SPATS2: variants seen among roughly 807,000 people sequenced by gnomAD.
The protein encoded by SPATS2 is spermatogenesis-associated serine-rich protein 2.
In SPATS2, 38 loss-of-function variants were observed where a neutral mutation model predicts 63.7. That is an observed-to-expected ratio of 0.60 (90% CI 0.46 to 0.78). SPATS2 has a LOEUF of 0.78. Ranked by LOEUF, SPATS2 falls within the 30% of genes least tolerant of loss-of-function variation. The pLI is 0.00. For synonymous variants in SPATS2, 207 were observed against 232.9 expected, an observed-to-expected ratio of 0.89 and a Z score of 1.01; for missense variants, 588 against 666.2, an observed-to-expected ratio of 0.88 and a Z score of 1.29.
At chr12:49,465,162 A>G (rs997259153) in intron 3 of SPATS2, among the ~76,000 whole-genome samples, 4 of 152,192 alleles carry the variant, frequency 2.6e-5, no homozygotes, top group African/African-American at 9.7e-5. Flanking sequence ...AATGATTGTC[A>G]ATTATGTACA....
intron 5 of SPATS2, 90 bp from the exon 6 acceptor site, chr12:49,490,586 AATTCTC>A: frequency 8.6e-7 from 1 of 1,162,990 alleles, no homozygotes; most frequent in Non-Finnish European, 1.3e-6. Context: ...GAGCTTTGTA[AATTCTC>A]CAGCAATTAC....
chr12:49,488,638 A>G (rs1237188628), intron 4 of SPATS2, among the ~76,000 whole-genome samples: 1 of 152,176 alleles, frequency 6.6e-6, no homozygotes, highest in East Asian at 1.9e-4. Flanking sequence ...AGCCTGGGTG[A>G]CAGAGCGAGA....
At position 49,388,372 on chromosome 12, in the gene SPATS2, A is replaced by T. The variant is rs552009229; in HGVS notation, c.-244+17082A>T. On this transcript the variant is annotated intron_variant, in intron 2 of 13. Transcript: ENST00000552918. ...TTTTTTGAACCCTACTTTTTTTTTT[A>T]AAAAATAATTTTTTTTCCCCTGACA... is the stretch of plus-strand genomic sequence containing the variant. Among the ~76,000 whole-genome samples, 499 of 149,980 alleles carry T rather than the reference A, an allele frequency of 3.3e-3. 1 individual carries two copies. The highest frequency in any genetic ancestry group is 6.4e-3 in the East Asian group (33 of 5,134).
At chr12:49,506,200 A>G (rs535486454) in intron 9 of SPATS2, among the ~76,000 whole-genome samples, 1 of 152,360 alleles carries the variant, frequency 6.6e-6, no homozygotes, top group African/African-American at 2.4e-5. Flanking sequence ...TAAATGCATT[A>G]TCAACTTAAG....
intron 2 of SPATS2, among the ~76,000 whole-genome samples, chr12:49,458,087 T>C (rs1181357035): frequency 6.6e-6 from 1 of 152,226 alleles, no homozygotes; most frequent in Non-Finnish European, 1.5e-5. Flanking sequence ...ATAAGTGTAC[T>C]CTCCTTTCCT....
intron 2 of SPATS2, among the ~76,000 whole-genome samples, chr12:49,417,145 C>T (rs1283079947): frequency 6.6e-6 from 1 of 152,172 alleles, no homozygotes; most frequent in Non-Finnish European, 1.5e-5. Context: ...CATTTGATTT[C>T]CTCTCTTTTC....
At chr12:49,373,215 C>G (rs918783824) in intron 2 of SPATS2, among the ~76,000 whole-genome samples, 4 of 152,100 alleles carry the variant, frequency 2.6e-5, no homozygotes, top group Non-Finnish European at 5.9e-5. Context: ...CTCAGGTGAT[C>G]CACCCGCCTC....
At chr12:49,385,438 A>G (rs996268006) in intron 2 of SPATS2, among the ~76,000 whole-genome samples, 7 of 150,344 alleles carry the variant, frequency 4.7e-5, no homozygotes, top group Non-Finnish European at 1.0e-4. Flanking sequence ...TAGTGAGGGA[A>G]GGCCTTGTTG....
chr12:49,397,423 T>C (rs995550977), intron 2 of SPATS2, among the ~76,000 whole-genome samples: 5 of 152,162 alleles, frequency 3.3e-5, no homozygotes, highest in African/African-American at 9.7e-5. Context: ...ATTTGAGCGG[T>C]TTCCTCCATT....
In SPATS2 at chr12:49,464,150, A is replaced by G. The variant is rs146640157; in HGVS notation, c.25+3113A>G. Among the ~76,000 whole-genome samples, 6 of 152,350 alleles carry G rather than the reference A, an allele frequency of 3.9e-5. No individual in the cohort carries two copies. In the East Asian group the frequency reaches 9.6e-4, roughly 24 times the overall value. ...AATACCTTAAAATTTGCCCAAGTGT[A>G]TAATTTGATTATTTTTAGTAAATTT... On this transcript the variant is annotated intron_variant, in intron 3 of 13. Transcript: ENST00000552918.
At chr12:49,381,060 TGTTG>T (rs1034493310) in intron 2 of SPATS2, among the ~76,000 whole-genome samples, 4 of 152,098 alleles carry the variant, frequency 2.6e-5, no homozygotes, top group African/African-American at 7.2e-5. Flanking sequence ...TTGTTGTTGT[TGTTG>T]TTGTTGTTTT....
Position 49,391,523 on chromosome 12 carries a change from A to G in SPATS2, c.-244+20233A>G, listed in dbSNP as rs548264997. ...CAAGACTGCGTCTCAAAAAATATGT[A>G]TATTTTAAAAAAAAGTCAAGTATGT... On this transcript the variant is annotated intron_variant, in intron 2 of 13. Transcript: ENST00000552918. 2.9e-3 allele frequency among the ~76,000 whole-genome samples: 439 copies of G among 152,332 alleles called. 2 individuals carry two copies. The highest frequency in any genetic ancestry group is 0.01 in the African/African-American group (418 of 41,580).
intron 3 of SPATS2, among the ~76,000 whole-genome samples, chr12:49,464,627 T>TACA (rs1945878943): frequency 9.3e-6 from 1 of 107,262 alleles, no homozygotes; most frequent in Non-Finnish European, 1.9e-5. Context: ...AACTCCATCT[T>TACA]AAAAAAAAAA....
At chr12:49,380,705 C>CAA (rs375474971) in intron 2 of SPATS2, among the ~76,000 whole-genome samples, 34 of 145,308 alleles carry the variant, frequency 2.3e-4, no homozygotes, top group South Asian at 1.1e-3. Flanking sequence ...GACTCTGCCT[C>CAA]AAAAAAAAAA....
intron 3 of SPATS2, among the ~76,000 whole-genome samples, chr12:49,480,503 G>A (rs984359065): frequency 1.3e-5 from 2 of 152,034 alleles, no homozygotes; most frequent in Non-Finnish European, 2.9e-5. Flanking sequence ...TCTTGCACTA[G>A]ACAGTAAAAC....
At chr12:49,474,350 A>G (rs1448268717) in intron 3 of SPATS2, among the ~76,000 whole-genome samples, 2 of 152,208 alleles carry the variant, frequency 1.3e-5, no homozygotes, top group East Asian at 1.9e-4. Context: ...TCTCATTGAT[A>G]TGAAGGTTAA....
chr12:49,494,823 A>C lies in SPATS2; in HGVS notation c.347A>C (p.Gln116Pro). 1 of 1,613,898 alleles carries C rather than the reference A, an allele frequency of 6.2e-7. No individual in the cohort carries two copies. The highest frequency in any genetic ancestry group is 8.5e-7 in the Non-Finnish European group (1 of 1,179,950). ...IPDSSKSVSI[Q>P]EEQSAPSSEK... ...GATTCCAGTAAATCAGTTTCCATTC[A>C]AGAGGAACAGTCTGCGCCTTCCTCA... is the stretch of plus-strand genomic sequence containing the variant. The change falls in exon 7 of 14, where the codon CAA becomes CCA. Residue 116 changes from glutamine (Q) to proline (P), a missense_variant. Physicochemically the swap from Gln to Pro is moderately conservative, Grantham distance 76. Coordinates refer to ENST00000552918, the MANE Select transcript of SPATS2 (RefSeq NM_023071.4).
chr12:49,435,508 T>G (rs929963605), intron 2 of SPATS2, among the ~76,000 whole-genome samples: 1 of 150,254 alleles, frequency 6.7e-6, no homozygotes, highest in African/African-American at 2.5e-5. Context: ...GTATTTTTAG[T>G]AGGGACGGGG....
intron 10 of SPATS2, among the ~76,000 whole-genome samples, chr12:49,516,095 G>C (rs1946834077): frequency 7.9e-6 from 1 of 126,842 alleles, no homozygotes; most frequent in Non-Finnish European, 1.6e-5. Flanking sequence ...AGCCGAGATT[G>C]CGCCACTGCA....
Sources: gnomAD v4.1 joint callset for allele counts (sites outside exome capture counted in the v4.1 genomes callset) on GRCh38, gnomAD v4.1.1 for gene constraint, MANE v1.5 for transcripts, NCBI Gene and HGNC (gene_info 2026-07-23, HGNC 2026-07-21) for gene names.